The following EDA variants were observed in gnomAD, a reference collection of about 807,000 sequenced individuals.
EDA encodes ectodysplasin A, also known as ectodysplasin-A.
A neutral mutation model predicts 23.6 loss-of-function variants in EDA; 2 were observed. The ratio of observed to expected loss-of-function variants is 0.08; its 90% CI spans 0.03 to 0.27. The LOEUF is 0.27. EDA is among the 10% of genes least tolerant of loss of function. The pLI, the probability that EDA is intolerant of heterozygous loss-of-function variation, is 1.00. For missense variants in EDA, 229 were observed against 324.2 expected, an observed-to-expected ratio of 0.71 and a Z score of 2.26; for synonymous variants, 131 against 132.0, an observed-to-expected ratio of 0.99 and a Z score of 0.05.
intron 1 of EDA, among the ~76,000 whole-genome samples, chrX:69,822,036 G>A (rs760345088): frequency 1.9e-4 from 21 of 111,322 alleles, no homozygotes; most frequent in Admixed American, 1.8e-3. Context: ...TAATTTCAGT[G>A]CCTTAGGAAG....
intron 1 of EDA, among the ~76,000 whole-genome samples, chrX:69,856,420 G>A (rs1054943163): frequency 1.8e-5 from 2 of 109,498 alleles, no homozygotes; most frequent in Non-Finnish European, 3.8e-5. Flanking sequence ...TCTACTTTTA[G>A]TTCTTTAAGG....
At chrX:69,992,133 G>A (rs2019596804) in intron 2 of EDA, among the ~76,000 whole-genome samples, 1 of 111,878 alleles carries the variant, frequency 8.9e-6, no homozygotes, top group Non-Finnish European at 1.9e-5. Context: ...ATGCATGTTG[G>A]TGATTCCAGG....
intron 1 of EDA, among the ~76,000 whole-genome samples, chrX:69,709,520 A>G (rs908432079): frequency 8.9e-6 from 1 of 112,004 alleles, no homozygotes; most frequent in Admixed American, 9.5e-5. Context: ...TCAGGATATA[A>G]AAACAGTTAT....
At chrX:69,944,516 C>T (rs976758487) in intron 1 of EDA, among the ~76,000 whole-genome samples, 4 of 111,714 alleles carry the variant, frequency 3.6e-5, no homozygotes, top group African/African-American at 1.3e-4. Flanking sequence ...GCCTGGTACC[C>T]TATTCTACTG....
At chrX:70,023,132 G>T in intron 2 of EDA, 86 bp from the exon 3 acceptor site, 1 of 624,416 alleles carries the variant, frequency 1.6e-6, no homozygotes, top group South Asian at 2.9e-5. Flanking sequence ...CAGTGTCTTG[G>T]GGATCCCTCC....
At chrX:70,031,693 A>T (rs2020202336) in intron 6 of EDA, among the ~76,000 whole-genome samples, 1 of 112,603 alleles carries the variant, frequency 8.9e-6, no homozygotes, top group Non-Finnish European at 1.9e-5. Flanking sequence ...TGTCTGACTT[A>T]GTAGCCTCAG....
intron 1 of EDA, among the ~76,000 whole-genome samples, chrX:69,623,208 C>T (rs760912753): frequency 5.4e-5 from 6 of 111,988 alleles, no homozygotes; most frequent in African/African-American, 1.6e-4. Context: ...AAAAAAGAAA[C>T]GTGCTGAGAT....
At chrX:70,032,277 A>G (rs2020210499) in intron 6 of EDA, among the ~76,000 whole-genome samples, 1 of 107,286 alleles carries the variant, frequency 9.3e-6, no homozygotes, top group East Asian at 2.9e-4. Flanking sequence ...AAAAAAAAAA[A>G]AGAAGAAGAA....
chrX:69,724,505 A>T (rs2012716324), intron 1 of EDA, among the ~76,000 whole-genome samples: 2 of 111,260 alleles, frequency 1.8e-5, no homozygotes, highest in Non-Finnish European at 3.8e-5. Flanking sequence ...CTGCCAAACC[A>T]TTTCTCTGCT....
rs757108333 is a variant in EDA at position 69,661,107 on chromosome X, C to T, written c.396+44403C>T. ...TTCTCTGATGGCCAGTGATGATGAG[C>T]ATTTTTTCATGTGTTTTTTGGCTGC... On this transcript the variant is annotated intron_variant, in intron 1 of 7. Transcript: ENST00000374552. 5.7e-4 allele frequency among the ~76,000 whole-genome samples: 63 copies of T among 110,020 alleles called. 1 individual carries two copies. The highest frequency in any genetic ancestry group is 2.0e-3 in the African/African-American group (59 of 30,160).
At chrX:69,780,373 A>G (rs1232334863) in intron 1 of EDA, among the ~76,000 whole-genome samples, 1 of 111,832 alleles carries the variant, frequency 8.9e-6, no homozygotes, top group Admixed American at 9.5e-5. Flanking sequence ...TATAATTCAC[A>G]TATCATACAG....
intron 2 of EDA, among the ~76,000 whole-genome samples, chrX:69,961,017 CAAAAAAAG>C (rs200491817): frequency 0.12 from 10,298 of 84,702 alleles, 894 homozygotes; most frequent in East Asian, 0.63. Flanking sequence ...AAACTCCATC[CAAAAAAAG>C]AAAAAAAAAG....
intron 2 of EDA, among the ~76,000 whole-genome samples, chrX:69,977,476 T>C (rs1188372256): frequency 8.9e-6 from 1 of 111,774 alleles, no homozygotes; most frequent in Non-Finnish European, 1.9e-5. Flanking sequence ...GGTCAGAAAA[T>C]ACTTATTAAC....
chrX:69,993,438 T>A (rs1041886616), intron 2 of EDA, among the ~76,000 whole-genome samples: 3 of 111,707 alleles, frequency 2.7e-5, no homozygotes, highest in Non-Finnish European at 5.6e-5. Context: ...ACTGCCATGG[T>A]CATTTTATTT....
At chrX:69,999,790 C>T (rs1200611027) in intron 2 of EDA, among the ~76,000 whole-genome samples, 1 of 111,234 alleles carries the variant, frequency 9.0e-6, no homozygotes, top group Non-Finnish European at 1.9e-5. Context: ...TGATAACAAA[C>T]TCTTCCAAAG....
At chrX:69,783,609 A>G (rs2015034106) in intron 1 of EDA, among the ~76,000 whole-genome samples, 1 of 111,280 alleles carries the variant, frequency 9.0e-6, no homozygotes, top group Non-Finnish European at 1.9e-5. Context: ...CCTACAAAGG[A>G]CATGAACTCA....
chrX:69,654,712 C>G (rs1249894791), intron 1 of EDA, among the ~76,000 whole-genome samples: 9 of 103,378 alleles, frequency 8.7e-5, no homozygotes, highest in East Asian at 3.1e-4. Context: ...AAACCAAACA[C>G]TGCATGTTCT....
chrX:69,849,878 A>G lies in EDA; in HGVS notation c.397-107149A>G, dbSNP rs758441991. Among the ~76,000 whole-genome samples the G allele has an allele frequency of 2.7e-5, 3 of 112,307 alleles. No homozygotes were observed. In the East Asian group the frequency reaches 8.3e-4, roughly 31 times the overall value. On this transcript the variant is annotated intron_variant, in intron 1 of 7. Coordinates refer to ENST00000374552, the MANE Select transcript of EDA (RefSeq NM_001399.5). Reference sequence around the variant, plus strand: ...GTGGAAGCTGACAGAGGATGTTGCAATGCTAGTTTCTTAAAGAGGCAACCA... The same window carrying G: ...GTGGAAGCTGACAGAGGATGTTGCAGTGCTAGTTTCTTAAAGAGGCAACCA...
intron 1 of EDA, among the ~76,000 whole-genome samples, chrX:69,710,431 A>T (rs1158237055): frequency 9.0e-6 from 1 of 111,174 alleles, no homozygotes; most frequent in Non-Finnish European, 1.9e-5. Context: ...AGGTAGTGTG[A>T]TGCCTCCAGC....
Sources: gnomAD v4.1 joint callset for allele counts (sites outside exome capture counted in the v4.1 genomes callset) on GRCh38, gnomAD v4.1.1 for gene constraint, MANE v1.5 for transcripts, NCBI Gene and HGNC (gene_info 2026-07-23, HGNC 2026-07-21) for gene names.